MPP7: variants seen among roughly 807,000 people sequenced by gnomAD.
MPP7 encodes MAGUK p55 subfamily member 7.
A neutral mutation model predicts 76.5 loss-of-function variants in MPP7; 60 were observed. That is an observed-to-expected ratio of 0.78 (90% confidence interval 0.64 to 0.97). MPP7 has a LOEUF of 0.97. MPP7 is among the 50% of genes least tolerant of loss of function. The pLI is 0.00. For synonymous variants in MPP7, 237 were observed against 244.5 expected (o/e 0.97, Z 0.29); for missense variants, 641 against 694.0 (o/e 0.92, Z 0.86).
intron 3 of MPP7, among the ~76,000 whole-genome samples, chr10:28,163,538 A>G (rs1009896582): frequency 1.7e-4 from 26 of 152,218 alleles, no homozygotes; most frequent in Non-Finnish European, 3.2e-4. Flanking sequence ...CCCAGGGACC[A>G]GGATAGGCAA....
In MPP7 at chr10:28,277,066, C is replaced by T. The variant is rs140377038; in HGVS notation, c.-132+25795G>A. 4.6e-3 allele frequency among the ~76,000 whole-genome samples: 696 copies of T among 152,006 alleles called. 9 individuals carry two copies. The highest frequency in any genetic ancestry group is 0.016 in the African/African-American group (650 of 41,364). ...TTCATTAGCCTGGTTTGGTGACACACGTCTGTGCTCCCAGCTACTCAGGAG... is the reference window on the plus strand; with the variant it reads ...TTCATTAGCCTGGTTTGGTGACACATGTCTGTGCTCCCAGCTACTCAGGAG... On this transcript the variant is annotated intron_variant, in intron 1 of 16. Coordinates refer to ENST00000683449, the MANE Select transcript of MPP7 (RefSeq NM_001318170.2).
intron 11 of MPP7, among the ~76,000 whole-genome samples, chr10:28,104,641 G>A (rs73606059): frequency 0.017 from 2,583 of 152,216 alleles, 70 homozygotes; most frequent in African/African-American, 0.057. Context: ...AAGAACTAAC[G>A]TCAAATCTTT....
intron 3 of MPP7, among the ~76,000 whole-genome samples, chr10:28,162,967 G>A (rs1836313618): frequency 6.6e-6 from 1 of 151,898 alleles, no homozygotes; most frequent in South Asian, 2.1e-4. Flanking sequence ...TGATTACATT[G>A]GTTGGACCCA....
chr10:28,059,418 G>T, intron 14 of MPP7: 1 of 408,250 alleles, frequency 2.4e-6, no homozygotes, highest in Non-Finnish European at 4.3e-6. Context: ...CCCTCATTCT[G>T]CAAAGCAGTG....
intron 1 of MPP7, among the ~76,000 whole-genome samples, chr10:28,239,400 G>C (rs922204567): frequency 1.3e-5 from 2 of 151,894 alleles, no homozygotes; most frequent in African/African-American, 4.8e-5. Context: ...GCCCGCCTTG[G>C]CCTCTCAAAG....
At chr10:28,228,441 A>G (rs1838768953) in intron 2 of MPP7, among the ~76,000 whole-genome samples, 1 of 152,198 alleles carries the variant, frequency 6.6e-6, no homozygotes, top group African/African-American at 2.4e-5. Context: ...AAACAACTTG[A>G]ACATGGGCCA....
chr10:28,225,062 T>C (rs1352418418), intron 2 of MPP7, among the ~76,000 whole-genome samples: 1 of 152,108 alleles, frequency 6.6e-6, no homozygotes, highest in Non-Finnish European at 1.5e-5. Context: ...TAAAAACTGG[T>C]AGTCACTAAA....
At chr10:28,081,867 C>T (rs1471392992) in intron 12 of MPP7, among the ~76,000 whole-genome samples, 1 of 151,912 alleles carries the variant, frequency 6.6e-6, no homozygotes, top group African/African-American at 2.4e-5. Context: ...ATTCTCCTGC[C>T]TCAGACTCCT....
At position 28,262,244 on chromosome 10, in the gene MPP7, CAT is replaced by C. The variant is rs1209809486; in HGVS notation, c.-131-23511_-131-23510del. Among the ~76,000 whole-genome samples, 204 of 36,368 alleles carry C rather than the reference CAT, an allele frequency of 5.6e-3. 15 individuals carry two copies. The highest frequency in any genetic ancestry group is 0.024 in the African/African-American group (125 of 5,194). 23.9% of individuals were successfully genotyped at this position (36,368 alleles called of 152,430 possible). On this transcript the variant is annotated intron_variant, in intron 1 of 16. Coordinates refer to ENST00000683449, the MANE Select transcript of MPP7 (RefSeq NM_001318170.2). ...ATATATACATATATATATATATATA[CAT>C]ATATATATATATGTATATATATATA...
chr10:28,262,226 C>T lies in MPP7; in HGVS notation c.-131-23491G>A, dbSNP rs796197700. 5.1e-3 allele frequency among the ~76,000 whole-genome samples: 216 copies of T among 42,482 alleles called. 10 individuals are homozygous for T. The highest frequency in any genetic ancestry group is 0.02 in the East Asian group (22 of 1,122). The allele number at this position is 42,482 out of a possible 152,430, so 27.9% of individuals were successfully genotyped here. Reference sequence around the variant, plus strand: ...ATATATACATATATATATATATATACATATATATATATATATACATATATA... The same window carrying T: ...ATATATACATATATATATATATATATATATATATATATATATACATATATA... On this transcript the variant is annotated intron_variant, in intron 1 of 16. Coordinates refer to ENST00000683449, the MANE Select transcript of MPP7 (RefSeq NM_001318170.2).
At chr10:28,083,622 C>T (rs748858142) in intron 12 of MPP7, among the ~76,000 whole-genome samples, 1 of 143,506 alleles carries the variant, frequency 7.0e-6, no homozygotes, top group Non-Finnish European at 1.5e-5. Flanking sequence ...ACCGCAACCT[C>T]TGCCTCCTGG....
chr10:28,109,848 CAAAA>C (rs869206744), intron 11 of MPP7, among the ~76,000 whole-genome samples: 3 of 19,220 alleles, frequency 1.6e-4, no homozygotes, highest in South Asian at 2.9e-3. Context: ...GCCGCAGACG[CAAAA>C]AAAAAAAAAA....
chr10:28,334,422 A>G (rs1325200735), exon 1 of MPP7: 2 of 152,222 alleles, frequency 1.3e-5, no homozygotes, highest in Non-Finnish European at 2.9e-5. Context: ...CTCAACTGTT[A>G]ACCACAGCAA....
At chr10:28,155,282 C>T (rs1296243325) in intron 3 of MPP7, among the ~76,000 whole-genome samples, 1 of 151,976 alleles carries the variant, frequency 6.6e-6, no homozygotes, top group East Asian at 1.9e-4. Context: ...AGACTTTATT[C>T]AGTAAATAAA....
chr10:28,331,601 G>A (rs985793827), intron 1 of MPP7, among the ~76,000 whole-genome samples: 1 of 152,084 alleles, frequency 6.6e-6, no homozygotes, highest in Non-Finnish European at 1.5e-5. Flanking sequence ...ATTTGAGACA[G>A]AGTCTCGCTG....
chr10:28,195,294 G>A (rs994360474), intron 3 of MPP7, among the ~76,000 whole-genome samples: 10 of 152,114 alleles, frequency 6.6e-5, no homozygotes, highest in African/African-American at 2.2e-4. Context: ...ACTGCTGGTG[G>A]GAATATAAAA....
chr10:28,119,862 C>A, intron 10 of MPP7, 147 bp from the exon 11 acceptor site: 1 of 641,962 alleles, frequency 1.6e-6, no homozygotes, highest in South Asian at 2.5e-5. Flanking sequence ...AGAAACAAAT[C>A]GCCCACTTTC....
chr10:28,107,158 C>T (rs761939763), intron 11 of MPP7, among the ~76,000 whole-genome samples: 5 of 152,138 alleles, frequency 3.3e-5, no homozygotes, highest in Non-Finnish European at 5.9e-5. Flanking sequence ...TACATATCAT[C>T]GAACTTAAAT....
At chr10:28,163,232 C>A (rs1836325357) in intron 3 of MPP7, among the ~76,000 whole-genome samples, 2 of 152,272 alleles carry the variant, frequency 1.3e-5, no homozygotes, top group South Asian at 4.1e-4. Context: ...GGCCACCTTG[C>A]ACTTCACAGT....
Sources: allele counts gnomAD v4.1 joint callset (sites outside exome capture counted in the v4.1 genomes callset), GRCh38; gene constraint gnomAD v4.1.1; transcripts MANE v1.5; gene names NCBI Gene and HGNC (gene_info 2026-07-23, HGNC 2026-07-21).